The following TOPAZ1 variants were observed in gnomAD, a reference collection of about 807,000 sequenced individuals.
TOPAZ1 encodes the protein protein TOPAZ1.
In TOPAZ1, 66 loss-of-function variants were observed where a neutral mutation model predicts 172.2. The ratio of observed to expected loss-of-function variants is 0.38; its 90% CI spans 0.31 to 0.47. The LOEUF (loss-of-function observed/expected upper bound fraction) is 0.47, where lower values mean the gene tolerates loss of function less well. Ranked by LOEUF, TOPAZ1 falls within the 20% of genes least tolerant of loss-of-function variation. The probability of loss-of-function intolerance (pLI) is 0.99; values close to 1 mark genes in which losing one functional copy is unlikely to be tolerated. For missense variants in TOPAZ1, 1,822 were observed against 1,972.4 expected (o/e 0.92, Z 1.44); for synonymous variants, 681 against 683.9 (o/e 1.00, Z 0.07).
At chr3:44,324,172 T>G (rs1700572476) in intron 18 of TOPAZ1, among the ~76,000 whole-genome samples, 1 of 152,210 alleles carries the variant, frequency 6.6e-6, no homozygotes, top group East Asian at 1.9e-4. Context: ...AGTTTAATTA[T>G]TTGATAAAAT....
At chr3:44,293,968 C>T (rs28432830) in intron 12 of TOPAZ1, among the ~76,000 whole-genome samples, 1,865 of 152,312 alleles carry the variant, frequency 0.012, 32 homozygotes, top group African/African-American at 0.042. Context: ...CAGCCGGGTA[C>T]AGTGGCTCAT....
downstream of TOPAZ1, among the ~76,000 whole-genome samples, chr3:44,335,497 ACCTATAATC>A (rs769224231): frequency 3.3e-5 from 5 of 152,066 alleles, no homozygotes; most frequent in Non-Finnish European, 7.4e-5. Context: ...GGTGGTGCAC[ACCTATAATC>A]CCAGATACTT....
intron 16 of TOPAZ1, among the ~76,000 whole-genome samples, chr3:44,315,236 A>G (rs1241469931): frequency 1.3e-5 from 2 of 151,906 alleles, no homozygotes; most frequent in African/African-American, 2.4e-5. Context: ...TGTTTATACT[A>G]TGAAATTTAG....
chr3:44,290,727 C>A, intron 11 of TOPAZ1, 44 bp from the exon 12 acceptor site: 2 of 1,283,478 alleles, frequency 1.6e-6, no homozygotes, highest in South Asian at 1.4e-5. Context: ...TCAATTCTGT[C>A]ACATTTTTGT....
At chr3:44,294,230 ACT>A (rs1047780915) in intron 12 of TOPAZ1, among the ~76,000 whole-genome samples, 9 of 138,150 alleles carry the variant, frequency 6.5e-5, no homozygotes, top group East Asian at 5.8e-4. Flanking sequence ...ACAGAGCAAG[ACT>A]CTGTCTCAAA....
At chr3:44,293,968 C>G (rs28432830) in intron 12 of TOPAZ1, among the ~76,000 whole-genome samples, 2 of 152,200 alleles carry the variant, frequency 1.3e-5, no homozygotes. Flanking sequence ...CAGCCGGGTA[C>G]AGTGGCTCAT....
At chr3:44,283,738 C>T (rs1362687371) in intron 9 of TOPAZ1, among the ~76,000 whole-genome samples, 3 of 152,160 alleles carry the variant, frequency 2.0e-5, no homozygotes, top group African/African-American at 4.8e-5. Context: ...TGTACACACA[C>T]GTGTGCACAT....
chr3:44,263,409 A>G (rs1298254166), intron 5 of TOPAZ1, among the ~76,000 whole-genome samples: 1 of 152,244 alleles, frequency 6.6e-6, no homozygotes, highest in African/African-American at 2.4e-5. Context: ...CGGTTAAGTC[A>G]TTACATCACC....
At chr3:44,302,052 T>C (rs1197459678) in intron 12 of TOPAZ1, among the ~76,000 whole-genome samples, 1 of 152,224 alleles carries the variant, frequency 6.6e-6, no homozygotes, top group African/African-American at 2.4e-5. Context: ...AGGTATGTTA[T>C]GTGAAATGGA....
chr3:44,324,998 G>A (rs941759811), intron 18 of TOPAZ1, among the ~76,000 whole-genome samples: 4 of 152,060 alleles, frequency 2.6e-5, no homozygotes, highest in South Asian at 2.1e-4. Flanking sequence ...GTGAGGTTAC[G>A]GGATAAAGAG....
In TOPAZ1 at chr3:44,244,199, T is replaced by C. The variant is rs965036872; in HGVS notation, c.1693T>C (p.Leu565=). ...TNTESSSKEK[L]DSNSNCLSSV... ...CACTGAATCTTCAAGTAAAGAAAAA[T>C]TAGATTCTAATTCTAATTGTTTGTC... The change falls in exon 2 of 20, where the codon TTA becomes CTA. Residue 565 remains leucine, a synonymous_variant. Coordinates refer to ENST00000309765, the MANE Select transcript of TOPAZ1 (RefSeq NM_001145030.2). 1 of 1,550,130 alleles carries C rather than the reference T, an allele frequency of 6.5e-7. No homozygotes were observed. Among genetic ancestry groups the C allele is most frequent in the Non-Finnish European group, 8.7e-7 (1 of 1,146,304 alleles).
intron 8 of TOPAZ1, among the ~76,000 whole-genome samples, chr3:44,271,273 T>C (rs1238569872): frequency 1.3e-5 from 2 of 152,170 alleles, no homozygotes; most frequent in Non-Finnish European, 2.9e-5. Flanking sequence ...TTACCAGCAA[T>C]GTCTGAGAAT....
Position 44,269,195 on chromosome 3 carries a change from GC to G in TOPAZ1, c.3161-19del, listed in dbSNP as rs1699865823. The G allele has an allele frequency of 1.5e-6, 2 of 1,355,228 alleles. No homozygotes were observed. Among genetic ancestry groups the G allele is most frequent in the South Asian group, 2.5e-5 (2 of 79,964 alleles). The allele number at this position is 1,355,228 out of a possible 1,614,324, so 84.0% of individuals were successfully genotyped here. A position where few individuals can be genotyped will look rare whatever the true frequency, so the allele number is the denominator to read the frequency against. On this transcript the variant is annotated intron_variant, in intron 6 of 19. Transcript: ENST00000309765. ...AAGTTGTAACATATTGGTGTGTAAT[GC>G]CACTCTAAATCATTTCTAGATTTCA...
chr3:44,329,106 C>G (rs911170016), intron 19 of TOPAZ1, among the ~76,000 whole-genome samples: 8 of 152,188 alleles, frequency 5.3e-5, no homozygotes, highest in Non-Finnish European at 2.9e-5. Context: ...ACTGGTGTGA[C>G]AAACCAGATC....
chr3:44,258,028 T>C (rs1394239624), intron 4 of TOPAZ1, among the ~76,000 whole-genome samples: 1 of 152,210 alleles, frequency 6.6e-6, no homozygotes, highest in African/African-American at 2.4e-5. Context: ...TTTTCCTATG[T>C]TGCTTTTTTG....
chr3:44,261,225 T>C (rs1699772384), intron 4 of TOPAZ1, among the ~76,000 whole-genome samples: 1 of 152,126 alleles, frequency 6.6e-6, no homozygotes, highest in Admixed American at 6.6e-5. Flanking sequence ...TTATGTTTTA[T>C]GTTTCTCAGT....
intron 15 of TOPAZ1, 131 bp downstream of exon 15, chr3:44,306,557 A>G: frequency 1.9e-6 from 1 of 517,726 alleles, no homozygotes; most frequent in Non-Finnish European, 3.5e-6. Context: ...TGGGACCCAG[A>G]CTAGTGAGTG....
intron 17 of TOPAZ1, among the ~76,000 whole-genome samples, chr3:44,321,975 T>C (rs1700541334): frequency 6.6e-6 from 1 of 152,182 alleles, no homozygotes; most frequent in Non-Finnish European, 1.5e-5. Context: ...TGCCAGATTT[T>C]GGAAGACCCT....
intron 7 of TOPAZ1, among the ~76,000 whole-genome samples, chr3:44,270,274 A>G (rs1256901709): frequency 2.0e-5 from 3 of 152,208 alleles, no homozygotes; most frequent in African/African-American, 4.8e-5. Context: ...GTAAAAGCAG[A>G]GACAGGTACG....
Sources: allele counts gnomAD v4.1 joint callset (sites outside exome capture counted in the v4.1 genomes callset), GRCh38; gene constraint gnomAD v4.1.1; transcripts MANE v1.5; gene names NCBI Gene and HGNC (gene_info 2026-07-23, HGNC 2026-07-21).